The following CCDC171 variants were observed in gnomAD, a reference collection of about 807,000 sequenced individuals.
CCDC171 encodes coiled-coil domain-containing protein 171.
In CCDC171, 177 loss-of-function variants were observed where a neutral mutation model predicts 168.2. That is an observed-to-expected ratio of 1.05 (90% CI 0.93 to 1.19). CCDC171 has a LOEUF of 1.19. CCDC171 is among the 50% of genes most tolerant of loss of function. The pLI is 0.00. For synonymous variants in CCDC171, 687 were observed against 540.8 expected (o/e 1.27, Z -3.75); for missense variants, 1,991 against 1,539.0 (o/e 1.29, Z -4.91).
chr9:15,748,952 A>G (rs2055503459), intron 18 of CCDC171, among the ~76,000 whole-genome samples: 2 of 152,212 alleles, frequency 1.3e-5, no homozygotes, highest in South Asian at 4.1e-4. Context: ...ACAGGATCAA[A>G]TTCACATATA....
At chr9:15,762,561 G>A (rs1446215927) in intron 18 of CCDC171, among the ~76,000 whole-genome samples, 1 of 152,110 alleles carries the variant, frequency 6.6e-6, no homozygotes, top group African/African-American at 2.4e-5. Context: ...ATAGGAAACT[G>A]TTCTGCAGCT....
At chr9:16,102,382 G>A in the CCDC171 span, among the ~76,000 whole-genome samples, 19 of 151,960 alleles carry the variant, frequency 1.3e-4, no homozygotes, top group East Asian at 2.7e-3. Flanking sequence ...TGTCTCAGAC[G>A]GATGTAGTTG....
the CCDC171 span, among the ~76,000 whole-genome samples, chr9:16,073,003 C>T: frequency 6.6e-6 from 1 of 152,200 alleles, no homozygotes. Flanking sequence ...TCCACATGTC[C>T]TTGGGCAAGT....
intron 10 of CCDC171, among the ~76,000 whole-genome samples, chr9:15,695,008 T>A (rs2051107524): frequency 1.3e-5 from 2 of 152,218 alleles, no homozygotes; most frequent in Admixed American, 1.3e-4. Context: ...TATAAAACAC[T>A]TAGAATAGTG....
intron 25 of CCDC171, among the ~76,000 whole-genome samples, chr9:15,960,599 T>C (rs1830244160): frequency 1.3e-5 from 2 of 152,192 alleles, no homozygotes; most frequent in South Asian, 4.1e-4. Context: ...GGGTTGAGAC[T>C]GCTGGAAATG....
chr9:15,704,517 T>A (rs2052054865), intron 11 of CCDC171, among the ~76,000 whole-genome samples: 1 of 152,212 alleles, frequency 6.6e-6, no homozygotes, highest in South Asian at 2.1e-4. Flanking sequence ...TAACCTCTAT[T>A]TCAGGAAAAG....
intron 7 of CCDC171, among the ~76,000 whole-genome samples, chr9:15,652,781 AT>A (rs1303551252): frequency 1.3e-5 from 2 of 152,238 alleles, no homozygotes; most frequent in African/African-American, 4.8e-5. Context: ...ATTATGACAT[AT>A]GTCTTCCATC....
At chr9:15,621,494 A>T (rs906123097) in intron 6 of CCDC171, among the ~76,000 whole-genome samples, 1 of 152,128 alleles carries the variant, frequency 6.6e-6, no homozygotes, top group Non-Finnish European at 1.5e-5. Context: ...TACCTGAAGG[A>T]AGTAATTATT....
chr9:16,071,139 G>A, the CCDC171 span, among the ~76,000 whole-genome samples: 18 of 152,290 alleles, frequency 1.2e-4, no homozygotes, highest in African/African-American at 4.3e-4. Context: ...GAGAGAGGGA[G>A]GCAGAGAGAG....
chr9:15,650,603 A>G (rs1010798594), intron 7 of CCDC171, among the ~76,000 whole-genome samples: 4 of 152,010 alleles, frequency 2.6e-5, no homozygotes, highest in East Asian at 1.9e-4. Flanking sequence ...TTCTTTTTTT[A>G]TTCTGGATAC....
At chr9:15,939,688 A>G (rs1827504642) in intron 25 of CCDC171, among the ~76,000 whole-genome samples, 1 of 151,910 alleles carries the variant, frequency 6.6e-6, no homozygotes, top group Admixed American at 6.6e-5. Context: ...CCCGAGCAGA[A>G]TAACTTTACT....
At chr9:15,557,645 G>A (rs545550126) in intron 1 of CCDC171, among the ~76,000 whole-genome samples, 4 of 152,122 alleles carry the variant, frequency 2.6e-5, no homozygotes, top group Admixed American at 6.5e-5. Context: ...GTGCTGAGAC[G>A]ATGGGGTTTT....
intron 16 of CCDC171, among the ~76,000 whole-genome samples, chr9:15,737,611 C>G (rs899012220): frequency 6.6e-6 from 1 of 152,180 alleles, no homozygotes; most frequent in African/African-American, 2.4e-5. Flanking sequence ...AAAAAGAACT[C>G]TGTTCTTTTG....
At chr9:15,911,470 C>A (rs1823629078) in intron 24 of CCDC171, among the ~76,000 whole-genome samples, 1 of 152,134 alleles carries the variant, frequency 6.6e-6, no homozygotes, top group African/African-American at 2.4e-5. Flanking sequence ...GGATAGATTG[C>A]AGTAATTTTC....
At chr9:15,613,842 A>C (rs936986790) in intron 6 of CCDC171, among the ~76,000 whole-genome samples, 1 of 152,150 alleles carries the variant, frequency 6.6e-6, no homozygotes, top group African/African-American at 2.4e-5. Context: ...CATTTTTCTA[A>C]TGACTAATGA....
chr9:15,560,506 C>T (rs535117853), intron 1 of CCDC171, among the ~76,000 whole-genome samples: 1 of 152,144 alleles, frequency 6.6e-6, no homozygotes, highest in East Asian at 1.9e-4. Flanking sequence ...CTCCTTCTTC[C>T]ACTTGATCAA....
rs1472702802 is a variant in CCDC171 at position 16,055,227 on chromosome 9, T to C, written n.90-5419T>C. On this transcript the variant is annotated intron_variant and non_coding_transcript_variant, in intron 1 of 1. Transcript: ENST00000478913. ...TTGTTATCTTTGTTCGTTTATTTGA[T>C]AGGGAGATGGGGTAAAATTACATTT... Among the ~76,000 whole-genome samples the C allele has an allele frequency of 2.6e-5, 4 of 152,262 alleles. No individual in the cohort carries two copies. In the East Asian group the frequency reaches 5.8e-4, roughly 22 times the overall value.
In CCDC171 at chr9:15,876,848, G is replaced by C. The variant is rs1017339049; in HGVS notation, c.3600+2185G>C. 2.6e-5 allele frequency among the ~76,000 whole-genome samples: 4 copies of C among 152,116 alleles called. No individual in the cohort carries two copies. The East Asian group carries it at 5.8e-4, about 22-fold the overall frequency. ...ACTCTGACTCTGTACTGATGAAGTG[G>C]ACTATTCAGAGTTCTCAACCTTTGA... On this transcript the variant is annotated intron_variant, in intron 24 of 25. Transcript: ENST00000380701.
At chr9:15,988,321 A>T (rs1401943516) in intron 3 of CCDC171, among the ~76,000 whole-genome samples, 1 of 152,240 alleles carries the variant, frequency 6.6e-6, no homozygotes, top group African/African-American at 2.4e-5. Context: ...GGGACCAGGA[A>T]GTGAGTCCTC....
Sources: gnomAD v4.1 joint callset for allele counts (sites outside exome capture counted in the v4.1 genomes callset) on GRCh38, gnomAD v4.1.1 for gene constraint, MANE v1.5 for transcripts, NCBI Gene and HGNC (gene_info 2026-07-23, HGNC 2026-07-21) for gene names.